The following RBFOX1 variants were observed in gnomAD, a reference collection of about 807,000 sequenced individuals.
RBFOX1 encodes RNA binding protein fox-1 homolog 1.
RBFOX1 carries 8 observed loss-of-function variants against 57.7 expected under a neutral mutation model. That is an observed-to-expected ratio of 0.14 (90% CI 0.08 to 0.25). The LOEUF (loss-of-function observed/expected upper bound fraction) is 0.25. RBFOX1 is among the 10% of genes least tolerant of loss of function. RBFOX1 has a pLI of 1.00. For synonymous variants in RBFOX1, 326 were observed against 222.4 expected (o/e 1.47, Z -4.15); for missense variants, 611 against 548.5 (o/e 1.11, Z -1.14).
intron 4 of RBFOX1, among the ~76,000 whole-genome samples, chr16:7,448,728 A>G (rs941071937): frequency 1.3e-5 from 2 of 152,092 alleles, no homozygotes; most frequent in Admixed American, 6.6e-5. Flanking sequence ...TTGTGGCTGC[A>G]TTACTCCAAT....
At chr16:6,017,251 C>T (rs985848312), upstream of RBFOX1, among the ~76,000 whole-genome samples, 5 of 152,168 alleles carry the variant, frequency 3.3e-5, no homozygotes, top group Admixed American at 2.6e-4. Context: ...ACAAACAATT[C>T]CTGTTGGTGA....
At chr16:5,822,714 T>C (rs1207178992) in intron 3 of RBFOX1, among the ~76,000 whole-genome samples, 3 of 152,214 alleles carry the variant, frequency 2.0e-5, no homozygotes, top group Non-Finnish European at 4.4e-5. Flanking sequence ...ACCCATGGCC[T>C]GGAGAGTCCA....
intron 2 of RBFOX1, among the ~76,000 whole-genome samples, chr16:6,435,561 C>G (rs2094210538): frequency 6.6e-6 from 1 of 152,190 alleles, no homozygotes; most frequent in Admixed American, 6.5e-5. Context: ...GCCTTGTCCT[C>G]TGAAAGTTCT....
intron 3 of RBFOX1, among the ~76,000 whole-genome samples, chr16:5,707,287 TG>T (rs1697276279): frequency 6.6e-6 from 1 of 152,190 alleles, no homozygotes; most frequent in African/African-American, 2.4e-5. Flanking sequence ...TGCAGCTGTT[TG>T]GGAGAAAGAA....
At chr16:6,414,076 C>T (rs888705097) in intron 2 of RBFOX1, among the ~76,000 whole-genome samples, 2 of 152,114 alleles carry the variant, frequency 1.3e-5, no homozygotes, top group African/African-American at 2.4e-5. Flanking sequence ...CAAGAACACC[C>T]AAGTACTGTG....
chr16:7,412,204 G>A (rs1392050585), intron 4 of RBFOX1, among the ~76,000 whole-genome samples: 1 of 151,810 alleles, frequency 6.6e-6, no homozygotes, highest in Admixed American at 6.6e-5. Flanking sequence ...AGGACTACCT[G>A]AGGAGTTCCA....
At position 6,863,790 on chromosome 16, in the gene RBFOX1, T is replaced by C. The variant is rs962736314; in HGVS notation, c.-15-188267T>C. On this transcript the variant is annotated intron_variant, in intron 3 of 15. Transcript: ENST00000550418. ...TACAACCTTACAGAGGTAATAAACCTTGTGATACAGTCTCAGGAGGATGTG... is the reference window on the plus strand; with the variant it reads ...TACAACCTTACAGAGGTAATAAACCCTGTGATACAGTCTCAGGAGGATGTG... Among the ~76,000 whole-genome samples, 35 of 138,886 alleles carry C rather than the reference T, an allele frequency of 2.5e-4. 1 individual carries two copies. The highest frequency in any genetic ancestry group is 4.6e-4 in the Non-Finnish European group (30 of 65,762). 91.1% of individuals were successfully genotyped at this position (138,886 alleles called of 152,430 possible). A position where few individuals can be genotyped will look rare whatever the true frequency, so the allele number is the denominator to read the frequency against.
At chr16:7,318,498 A>G (rs1052138561) in intron 4 of RBFOX1, among the ~76,000 whole-genome samples, 2 of 152,178 alleles carry the variant, frequency 1.3e-5, no homozygotes, top group Non-Finnish European at 2.9e-5. Context: ...CGTTGGGCAA[A>G]TTATTTAACC....
chr16:5,694,203 G>C (rs911326906), intron 3 of RBFOX1, among the ~76,000 whole-genome samples: 1 of 152,096 alleles, frequency 6.6e-6, no homozygotes, highest in African/African-American at 2.4e-5. Context: ...GCCTAACTGG[G>C]GTATGTGTGC....
chr16:5,552,589 A>G (rs1193925522), intron 2 of RBFOX1, among the ~76,000 whole-genome samples: 1 of 152,184 alleles, frequency 6.6e-6, no homozygotes, highest in East Asian at 1.9e-4. Context: ...AAACTGTCAG[A>G]GGATGGAGGT....
chr16:6,961,632 T>G (rs535976980), intron 3 of RBFOX1, among the ~76,000 whole-genome samples: 2 of 152,248 alleles, frequency 1.3e-5, no homozygotes, highest in South Asian at 2.1e-4. Context: ...ATTTCTTGAT[T>G]ATATGCTAAA....
intron 1 of RBFOX1, chr16:5,365,862 C>G (rs942838027): frequency 2.1e-5 from 11 of 511,754 alleles, no homozygotes; most frequent in African/African-American, 1.9e-4. Context: ...CGGGTGTGAA[C>G]TCAAGGCTGA....
Position 6,078,130 on chromosome 16 carries a change from C to T in RBFOX1, c.-127+58138C>T, listed in dbSNP as rs376221098. On this transcript the variant is annotated intron_variant, in intron 1 of 15. Coordinates refer to ENST00000550418, the MANE Select transcript of RBFOX1 (RefSeq NM_018723.4). ...CGGGGAGGTTAAGAGTTGCTGTGTC[C>T]TTTCTCAGTCCCACCACTTGAACAT... 2.9e-4 allele frequency among the ~76,000 whole-genome samples: 44 copies of T among 152,202 alleles called. No individual in the cohort carries two copies. In the East Asian group the frequency reaches 7.3e-3, roughly 25 times the overall value.
intron 2 of RBFOX1, among the ~76,000 whole-genome samples, chr16:6,386,932 A>G (rs2092324772): frequency 1.3e-5 from 2 of 152,214 alleles, no homozygotes; most frequent in South Asian, 2.1e-4. Context: ...AAGAATCTCT[A>G]TGGTTGAAAA....
intron 3 of RBFOX1, among the ~76,000 whole-genome samples, chr16:6,904,283 C>G (rs2069205619): frequency 6.6e-6 from 1 of 152,090 alleles, no homozygotes; most frequent in Non-Finnish European, 1.5e-5. Flanking sequence ...CTCTGTGAGG[C>G]ACGAGTGGTA....
chr16:5,550,850 C>T (rs1416438658), intron 2 of RBFOX1, among the ~76,000 whole-genome samples: 1 of 152,052 alleles, frequency 6.6e-6, no homozygotes, highest in Non-Finnish European at 1.5e-5. Flanking sequence ...ATCTTTATAC[C>T]AGGTGCACAG....
intron 1 of RBFOX1, among the ~76,000 whole-genome samples, chr16:6,086,500 CT>C (rs35061674): frequency 0.47 from 71,434 of 151,548 alleles, 17,420 homozygotes; most frequent in Non-Finnish European, 0.56. Context: ...TCATTGAGGC[CT>C]GAGTGTTCTT....
chr16:6,488,412 C>A (rs1349327284), intron 2 of RBFOX1, among the ~76,000 whole-genome samples: 1 of 152,126 alleles, frequency 6.6e-6, no homozygotes, highest in Non-Finnish European at 1.5e-5. Flanking sequence ...CAATACAATG[C>A]CGATTTCTTC....
At chr16:6,678,787 A>C (rs2154119191) in intron 3 of RBFOX1, among the ~76,000 whole-genome samples, 1 of 152,198 alleles carries the variant, frequency 6.6e-6, no homozygotes, top group African/African-American at 2.4e-5. Context: ...AAAGTTAATC[A>C]CTTGCCATGA....
Sources: gnomAD v4.1 joint callset for allele counts (sites outside exome capture counted in the v4.1 genomes callset) on GRCh38, gnomAD v4.1.1 for gene constraint, MANE v1.5 for transcripts, NCBI Gene and HGNC (gene_info 2026-07-23, HGNC 2026-07-21) for gene names.